SYNPR: variants seen among roughly 807,000 people sequenced by gnomAD.
SYNPR encodes synaptoporin.
SYNPR carries 23 observed loss-of-function variants against 32.9 expected under a neutral mutation model. The observed-to-expected ratio is 0.70, with a 90% CI of 0.50 to 0.99. SYNPR has a LOEUF of 0.99. SYNPR is among the 50% of genes least tolerant of loss of function. The probability of loss-of-function intolerance (pLI) is 0.00; values close to 1 mark genes in which losing one functional copy is unlikely to be tolerated. For synonymous variants in SYNPR, 146 were observed against 135.9 expected (o/e 1.07, Z -0.52); for missense variants, 318 against 349.3 (o/e 0.91, Z 0.71).
intron 2 of SYNPR, among the ~76,000 whole-genome samples, chr3:63,457,014 G>A (rs1238485824): frequency 6.6e-6 from 1 of 151,998 alleles, no homozygotes; most frequent in Non-Finnish European, 1.5e-5. Flanking sequence ...CTGTCTTGTG[G>A]GTGGCCTAGC....
chr3:63,204,054 A>G, the SYNPR span, among the ~76,000 whole-genome samples: 1 of 152,032 alleles, frequency 6.6e-6, no homozygotes, highest in Non-Finnish European at 1.5e-5. Context: ...TAAGAGAATC[A>G]CCTTTAATAA....
rs553348262 is a variant in SYNPR, at chr3:63,289,852, C to T, written c.84+11110C>T. Among the ~76,000 whole-genome samples the T allele has an allele frequency of 2.1e-3, 322 of 152,174 alleles. 2 individuals are homozygous for T. The highest frequency in any genetic ancestry group is 7.4e-3 in the African/African-American group (309 of 41,526). ...GACTAATAAAAAACTCCTTTTCAGC[C>T]GGGCGCGGTGTCTCACGCCTGTAAT... is the stretch of plus-strand genomic sequence containing the variant. On this transcript the variant is annotated intron_variant, in intron 2 of 5. Transcript: ENST00000478300.
intron 4 of SYNPR, among the ~76,000 whole-genome samples, chr3:63,583,132 T>TG (rs1166361763): frequency 6.6e-6 from 1 of 151,992 alleles, no homozygotes; most frequent in East Asian, 1.9e-4. Flanking sequence ...GGTGGGGAGA[T>TG]CATAAGACTC....
At chr3:63,608,017 CT>C (rs1192162995) in intron 4 of SYNPR, among the ~76,000 whole-genome samples, 1 of 152,150 alleles carries the variant, frequency 6.6e-6, no homozygotes, top group Non-Finnish European at 1.5e-5. Flanking sequence ...ATCAAATATA[CT>C]TTTTTTCTTT....
intron 2 of SYNPR, among the ~76,000 whole-genome samples, chr3:63,379,834 C>T (rs2087943454): frequency 1.3e-5 from 2 of 152,082 alleles, no homozygotes; most frequent in Admixed American, 1.3e-4. Context: ...CTATCCCTCC[C>T]TCCTCCCCCA....
intron 2 of SYNPR, among the ~76,000 whole-genome samples, chr3:63,322,754 T>A (rs1248378763): frequency 6.6e-6 from 1 of 152,104 alleles, no homozygotes; most frequent in African/African-American, 2.4e-5. Context: ...CATTCAGTCC[T>A]CTGCCTTTGA....
intron 2 of SYNPR, chr3:63,445,481 A>G: frequency 1.5e-6 from 1 of 681,014 alleles, no homozygotes; most frequent in South Asian, 1.6e-5. Flanking sequence ...GACTTTTGTC[A>G]TTTGGGGGAA....
At chr3:63,569,598 C>T (rs547123155) in intron 4 of SYNPR, among the ~76,000 whole-genome samples, 4 of 152,236 alleles carry the variant, frequency 2.6e-5, no homozygotes, top group Admixed American at 6.5e-5. Context: ...TGTTTAAGTA[C>T]GCAGAAGTCA....
intron 1 of SYNPR, among the ~76,000 whole-genome samples, chr3:63,237,277 T>A (rs1332933914): frequency 1.3e-5 from 2 of 152,112 alleles, no homozygotes; most frequent in Admixed American, 6.6e-5. Flanking sequence ...TTGAGTGAAA[T>A]TCTATTTCTG....
chr3:63,262,709 A>T (rs2086449520), intron 2 of SYNPR, among the ~76,000 whole-genome samples: 1 of 152,162 alleles, frequency 6.6e-6, no homozygotes, highest in African/African-American at 2.4e-5. Context: ...CAATGTATGG[A>T]GACAGTGGCC....
intron 2 of SYNPR, among the ~76,000 whole-genome samples, chr3:63,256,940 A>C (rs2086389502): frequency 6.6e-6 from 1 of 152,204 alleles, no homozygotes; most frequent in Non-Finnish European, 1.5e-5. Context: ...CTCAGCAGCC[A>C]ATTCGATCAA....
At position 63,278,752 on chromosome 3, in the gene SYNPR, A is replaced by G. The variant is rs757626717; in HGVS notation, c.84+10A>G. ...GCGAGCCCTGGAATTGGTGAGTAGC[A>G]GTGTGTGTGCAGGGAGGGGCGCCAG... On this transcript the variant is annotated intron_variant, in intron 2 of 5. Coordinates refer to ENST00000478300, the MANE Select transcript of SYNPR (RefSeq NM_001130003.2). The G allele has an allele frequency of 1.9e-6, 3 of 1,551,408 alleles. No homozygotes were observed. The highest frequency in any genetic ancestry group is 2.4e-5 in the South Asian group (2 of 84,056).
At chr3:63,498,932 A>G (rs1460791320) in intron 3 of SYNPR, among the ~76,000 whole-genome samples, 1 of 148,192 alleles carries the variant, frequency 6.7e-6, no homozygotes, top group Non-Finnish European at 1.5e-5. Flanking sequence ...CGGGCAACAT[A>G]GTGGGACCTC....
At chr3:63,285,431 C>T (rs550163468) in intron 2 of SYNPR, among the ~76,000 whole-genome samples, 9 of 152,184 alleles carry the variant, frequency 5.9e-5, no homozygotes, top group African/African-American at 1.2e-4. Flanking sequence ...ATAAACAAGA[C>T]GGGGAATTCT....
rs188326031 is a variant in SYNPR at position 63,563,007 on chromosome 3, G to T, written c.408+6266G>T. 2.7e-4 allele frequency among the ~76,000 whole-genome samples: 41 copies of T among 152,178 alleles called. No homozygotes were observed. The East Asian group carries it at 4.1e-3, about 15-fold the overall frequency. On this transcript the variant is annotated intron_variant, in intron 4 of 5. Transcript: ENST00000478300. ...GGCACACAGTAAGTGATAAATTAATGGTATCTGATTGTAGCACTATTATTA... is the reference window on the plus strand; with the variant it reads ...GGCACACAGTAAGTGATAAATTAATTGTATCTGATTGTAGCACTATTATTA...
intron 2 of SYNPR, among the ~76,000 whole-genome samples, chr3:63,311,808 A>C (rs1420661741): frequency 6.6e-6 from 1 of 152,070 alleles, no homozygotes; most frequent in East Asian, 1.9e-4. Flanking sequence ...TTCAATATCC[A>C]TATTAAACAT....
At chr3:63,373,580 C>T (rs1034227255) in intron 2 of SYNPR, among the ~76,000 whole-genome samples, 10 of 151,918 alleles carry the variant, frequency 6.6e-5, no homozygotes, top group Middle Eastern at 3.2e-3. Context: ...GATGGGATTA[C>T]GTAAAAAGAT....
chr3:63,422,953 C>T (rs544974755), intron 2 of SYNPR, among the ~76,000 whole-genome samples: 46 of 152,234 alleles, frequency 3.0e-4, no homozygotes, highest in Non-Finnish European at 6.5e-4. Flanking sequence ...AAACACCATT[C>T]AGGAGTTAAA....
the SYNPR span, among the ~76,000 whole-genome samples, chr3:63,204,756 T>A: frequency 6.6e-6 from 1 of 152,096 alleles, no homozygotes; most frequent in African/African-American, 2.4e-5. Flanking sequence ...CAGTCTAGAC[T>A]CACTGCAACC....
Sources: allele counts gnomAD v4.1 joint callset (sites outside exome capture counted in the v4.1 genomes callset), GRCh38; gene constraint gnomAD v4.1.1; transcripts MANE v1.5; gene names NCBI Gene and HGNC (gene_info 2026-07-23, HGNC 2026-07-21).